The following LOC728392 variants were observed in gnomAD, a reference collection of about 807,000 sequenced individuals.
At chr17:5,500,739 G>T in the LOC728392 span, 1 of 1,238,790 alleles carries the variant, frequency 8.1e-7, no homozygotes. The surrounding 1 kb of genome is among the most constrained non-coding windows in gnomAD (Gnocchi z 5.4). Context: ...CTTGGGCGGG[G>T]GGCGCGATGC....
the LOC728392 span, chr17:5,500,387 G>A: frequency 9.2e-7 from 1 of 1,082,824 alleles, no homozygotes; most frequent in Non-Finnish European, 1.1e-6. This position sits in a 1 kb window ranked among gnomAD's most constrained non-coding sequence, Gnocchi z 5.4. Flanking sequence ...CTAACCTGCA[G>A]GTGCAAACAG....
the LOC728392 span, chr17:5,500,577 C>T: frequency 4.8e-6 from 6 of 1,243,040 alleles, no homozygotes; most frequent in Non-Finnish European, 6.2e-6. The surrounding 1 kb of genome is among the most constrained non-coding windows in gnomAD (Gnocchi z 5.4). Context: ...CCTGCGCCCA[C>T]CCCGTCCCGC....
Sources: gnomAD v4.1 joint callset for allele counts on GRCh38, gnomAD v4.1.1 for gene constraint, Gnocchi (gnomAD v3.1) non-coding constraint, MANE v1.5 for transcripts.